The following EVL variants were observed in gnomAD, a reference collection of about 807,000 sequenced individuals.
EVL encodes ena/VASP-like protein.
In EVL, 21 loss-of-function variants were observed where a neutral mutation model predicts 59.6. The ratio of observed to expected loss-of-function variants is 0.35; its 90% CI spans 0.25 to 0.51. The LOEUF is 0.51. Among genes scored for constraint, EVL ranks in the 20% least tolerant of loss-of-function variants. The pLI is 0.97. For synonymous variants in EVL, 198 were observed against 203.5 expected, an observed-to-expected ratio of 0.97 and a Z score of 0.23; for missense variants, 462 against 546.6, an observed-to-expected ratio of 0.85 and a Z score of 1.54.
chr14:100,141,452 C>T (rs979443698), intron 12 of EVL, among the ~76,000 whole-genome samples: 1 of 152,252 alleles, frequency 6.6e-6, no homozygotes, highest in African/African-American at 2.4e-5. Context: ...GGATGTCCCT[C>T]AACCTTTCTG....
chr14:100,062,382 T>C (rs958698798), upstream of EVL, among the ~76,000 whole-genome samples: 1 of 151,922 alleles, frequency 6.6e-6, no homozygotes, highest in African/African-American at 2.4e-5. Context: ...ACTCTAAGTG[T>C]ACCCTACAAA....
intron 3 of EVL, among the ~76,000 whole-genome samples, chr14:100,101,975 T>C (rs1470131357): frequency 6.6e-6 from 1 of 152,110 alleles, no homozygotes; most frequent in Non-Finnish European, 1.5e-5. Context: ...GAAGCTGTGA[T>C]TACAGGCGCC....
intron 1 of EVL, among the ~76,000 whole-genome samples, chr14:99,981,241 G>A (rs2060804072): frequency 6.6e-6 from 1 of 152,016 alleles, no homozygotes; most frequent in South Asian, 2.1e-4. Flanking sequence ...AGACCAGCTT[G>A]GCTAACATGG....
intron 8 of EVL, chr14:100,135,504 A>C (rs1477574995): frequency 5.2e-6 from 1 of 192,228 alleles, no homozygotes; most frequent in African/African-American, 2.3e-5. Flanking sequence ...GCACTGCCAC[A>C]GACCTATTAC....
intron 1 of EVL, among the ~76,000 whole-genome samples, chr14:100,081,434 A>G (rs974353601): frequency 1.3e-5 from 2 of 152,068 alleles, no homozygotes; most frequent in African/African-American, 4.8e-5. Flanking sequence ...AGACAAACCA[A>G]TACTATTCAA....
intron 1 of EVL, among the ~76,000 whole-genome samples, chr14:100,043,880 T>C (rs1323031552): frequency 6.6e-6 from 1 of 152,046 alleles, no homozygotes; most frequent in Non-Finnish European, 1.5e-5. Flanking sequence ...TCCCAAAGTG[T>C]TTCTTCCCTT....
intron 1 of EVL, among the ~76,000 whole-genome samples, chr14:99,982,633 CA>C (rs1312794295): frequency 6.6e-6 from 1 of 152,116 alleles, no homozygotes; most frequent in Non-Finnish European, 1.5e-5. Context: ...GTCTGCTCAC[CA>C]GGGGAGGGAG....
At chr14:100,116,646 A>G (rs1040749357) in intron 3 of EVL, among the ~76,000 whole-genome samples, 2 of 152,062 alleles carry the variant, frequency 1.3e-5, no homozygotes, top group Non-Finnish European at 2.9e-5. Context: ...CTCCCTGCCT[A>G]CCCCGCGCCC....
chr14:100,106,806 G>A, intron 3 of EVL: 1 of 398,632 alleles, frequency 2.5e-6, no homozygotes, highest in African/African-American at 2.1e-5. Flanking sequence ...AGATAGCACA[G>A]TGTCTGTCTC....
chr14:100,091,082 C>T (rs1392084100), intron 2 of EVL, among the ~76,000 whole-genome samples: 5 of 152,122 alleles, frequency 3.3e-5, no homozygotes, highest in African/African-American at 9.7e-5. Flanking sequence ...TAGTTTTCAT[C>T]GACGCTTCCT....
At chr14:100,078,102 T>C (rs1477559345) in intron 1 of EVL, among the ~76,000 whole-genome samples, 1 of 152,188 alleles carries the variant, frequency 6.6e-6, no homozygotes, top group African/African-American at 2.4e-5. Context: ...ATCATGAGCA[T>C]AGAGTAAAAT....
At chr14:99,993,336 G>A (rs1421140127) in intron 1 of EVL, among the ~76,000 whole-genome samples, 1 of 152,094 alleles carries the variant, frequency 6.6e-6, no homozygotes, top group Admixed American at 6.5e-5. Flanking sequence ...AGGATTACAG[G>A]CGTGAGCCAC....
In EVL at chr14:100,077,037, A is replaced by G. The variant is rs892780705; in HGVS notation, c.12-7650A>G. ...AAGCTATAGATAGATAAACTGGGGA[A>G]CACAGAAGTTTTGTATGAGGTCATA... is the stretch of plus-strand genomic sequence containing the variant. On this transcript the variant is annotated intron_variant, in intron 1 of 13. Coordinates refer to ENST00000392920, the MANE Select transcript of EVL (RefSeq NM_016337.3). 2.6e-5 allele frequency among the ~76,000 whole-genome samples: 4 copies of G among 152,218 alleles called. No homozygotes were observed. In the South Asian group the frequency reaches 6.2e-4, roughly 24 times the overall value.
intron 1 of EVL, among the ~76,000 whole-genome samples, chr14:100,012,337 G>A (rs1273750332): frequency 6.6e-6 from 1 of 152,166 alleles, no homozygotes; most frequent in Non-Finnish European, 1.5e-5. Flanking sequence ...CCCGCCTCGG[G>A]TGTAACAGTG....
intron 1 of EVL, among the ~76,000 whole-genome samples, chr14:99,997,155 C>T (rs766305917): frequency 9.9e-5 from 15 of 152,210 alleles, no homozygotes; most frequent in East Asian, 1.9e-4. Context: ...ATCTTTATTA[C>T]GCATTCCTTT....
intron 6 of EVL, 104 bp from the exon 7 acceptor site, chr14:100,129,459 C>G: frequency 1.3e-6 from 2 of 1,528,604 alleles, no homozygotes; most frequent in Admixed American, 3.5e-5. Context: ...GTGCTGCTGC[C>G]ATAGGATTCA....
intron 1 of EVL, among the ~76,000 whole-genome samples, chr14:99,990,202 A>C (rs563521065): frequency 2.8e-4 from 42 of 152,298 alleles, no homozygotes; most frequent in African/African-American, 8.2e-4. Context: ...TGACATCTAG[A>C]ATGGTGAATA....
At chr14:100,116,647 C>A (rs976084335) in intron 3 of EVL, among the ~76,000 whole-genome samples, 1 of 152,218 alleles carries the variant, frequency 6.6e-6, no homozygotes, top group Admixed American at 6.5e-5. Flanking sequence ...TCCCTGCCTA[C>A]CCCGCGCCCA....
Position 100,065,521 on chromosome 14 carries a change from G to A in EVL, c.11+10G>A. ...CAGCCATGGCCACAAGGTGAGTATT[G>A]GAACCAGTGCAGGGGACAGAGGGAT... On this transcript the variant is annotated intron_variant, in intron 1 of 13. Transcript: ENST00000392920. The A allele has an allele frequency of 2.6e-6, 4 of 1,512,900 alleles. No individual in the cohort carries two copies. The highest frequency in any genetic ancestry group is 3.6e-6 in the Non-Finnish European group (4 of 1,116,324). 93.7% of individuals were successfully genotyped at this position (1,512,900 alleles called of 1,614,324 possible). A position where few individuals can be genotyped will look rare whatever the true frequency, so the allele number is the denominator to read the frequency against.
Sources: allele counts gnomAD v4.1 joint callset (sites outside exome capture counted in the v4.1 genomes callset), GRCh38; gene constraint gnomAD v4.1.1; transcripts MANE v1.5; gene names NCBI Gene and HGNC (gene_info 2026-07-23, HGNC 2026-07-21).